The following HSD11B1L variants were observed in gnomAD, a reference collection of about 807,000 sequenced individuals.
HSD11B1L encodes the protein hydroxysteroid 11-beta dehydrogenase 1 like.
HSD11B1L carries 22 observed loss-of-function variants against 27.0 expected under a neutral mutation model. The observed-to-expected ratio is 0.81, with a 90% confidence interval of 0.58 to 1.16. The LOEUF (loss-of-function observed/expected upper bound fraction) is 1.16. HSD11B1L is among the 50% of genes most tolerant of loss of function. The pLI is 0.00. For missense variants in HSD11B1L, 372 were observed against 401.8 expected (o/e 0.93, Z 0.63); for synonymous variants, 187 against 189.2 (o/e 0.99, Z 0.09).
chr19:5,687,890 G>T lies in HSD11B1L; in HGVS notation c.806G>T (p.Arg269Leu), dbSNP rs200586681. Residue 269 changes from arginine to leucine, a missense_variant, in exon 8 of 8, where the codon CGC becomes CTC. Coordinates refer to ENST00000339423, the MANE Select transcript of HSD11B1L (RefSeq NM_198706.3). This position sits in a 1 kb window ranked among gnomAD's most constrained non-coding sequence, Gnocchi z 6.6. ...TGCTTGCTCCGGCGCTGGCTACCGC[G>T]CCCGCGGGCCTGGTTTATCCGCCAG... Reference protein sequence around the residue: ...LLCLLRRWLPRPRAWFIRQEL... With the variant: ...LLCLLRRWLPLPRAWFIRQEL... The T allele has an allele frequency of 7.0e-6, 11 of 1,578,354 alleles. No individual in the cohort carries two copies. The highest frequency in any genetic ancestry group is 1.1e-5 in the South Asian group (1 of 87,270).
At position 5,686,972 on chromosome 19, in the gene HSD11B1L, C is replaced by G. The variant is rs1568301748; in HGVS notation, c.389C>G (p.Ala130Gly). 2 of 1,549,846 alleles carry G rather than the reference C, an allele frequency of 1.3e-6. 1 individual carries two copies. Among genetic ancestry groups the G allele is most frequent in the South Asian group, 2.4e-5 (2 of 84,146 alleles). The change falls in exon 5 of 8, where the codon GCA (alanine) becomes GGA (glycine). Residue 130 changes from alanine (A) to glycine (G), a missense_variant. By Grantham distance (60) the Ala-to-Gly change is moderately conservative. Transcript: ENST00000339423. ...GGCACGCGAGCCCGCAGCCCCCAGG[C>G]AACTCGCTGGCTCATGCAGGTGCTC... ...PAGTRARSPQATRWLMQVNFV... is the reference protein window; with the variant it reads ...PAGTRARSPQGTRWLMQVNFV...
At chr19:5,683,841 C>T (rs984606035) in intron 1 of HSD11B1L, among the ~76,000 whole-genome samples, 1 of 151,978 alleles carries the variant, frequency 6.6e-6, no homozygotes, top group Non-Finnish European at 1.5e-5. Flanking sequence ...CTGCAGTGAG[C>T]TATGGTCGCA....
At chr19:5,686,850 T>C (rs774056260) in intron 4 of HSD11B1L, 50 bp from the exon 5 acceptor site, 2 of 1,454,610 alleles carry the variant, frequency 1.4e-6, no homozygotes, top group African/African-American at 1.4e-5. Flanking sequence ...CGGGGTTTGA[T>C]CGTTTCCTTG....
chr19:5,687,798 G>C lies in HSD11B1L; in HGVS notation c.714G>C (p.Leu238=). 1 of 1,513,806 alleles carries C rather than the reference G, an allele frequency of 6.6e-7. No homozygotes were observed. The highest frequency in any genetic ancestry group is 1.3e-5 in the South Asian group (1 of 78,162). 93.8% of individuals were successfully genotyped at this position (1,513,806 alleles called of 1,614,324 possible). The change falls in exon 8 of 8, where the codon CTG becomes CTC. Residue 238 remains leucine, a synonymous_variant. Coordinates refer to ENST00000339423, the MANE Select transcript of HSD11B1L (RefSeq NM_198706.3). This position sits in a 1 kb window ranked among gnomAD's most constrained non-coding sequence, Gnocchi z 6.6. The part of the protein sequence containing the change: ...VKAAPGPKAA[L]AVIRGGATRA... ...CGGCCCCGGGGCCCAAGGCAGCCCT[G>C]GCCGTGATCCGCGGCGGCGCCACGC...
In HSD11B1L at chr19:5,687,722, C is replaced by G; in HGVS notation, c.669-31C>G. ...CTGGGGGCCATGGCCCAGCCCCAGCCGCAGTCCCCACCGTGCCCTCCTGTC... is the reference window on the plus strand; with the variant it reads ...CTGGGGGCCATGGCCCAGCCCCAGCGGCAGTCCCCACCGTGCCCTCCTGTC... On this transcript the variant is annotated intron_variant, in intron 7 of 7. Coordinates refer to ENST00000339423, the MANE Select transcript of HSD11B1L (RefSeq NM_198706.3). This position sits in a 1 kb window ranked among gnomAD's most constrained non-coding sequence, Gnocchi z 6.6. 1 of 1,504,472 alleles carries G rather than the reference C, an allele frequency of 6.6e-7. No homozygotes were observed. 93.2% of individuals were successfully genotyped at this position (1,504,472 alleles called of 1,614,324 possible). A position where few individuals can be genotyped will look rare whatever the true frequency, so the allele number is the denominator to read the frequency against.
chr19:5,682,975 T>C (rs1351175377), intron 1 of HSD11B1L, among the ~76,000 whole-genome samples: 1 of 151,988 alleles, frequency 6.6e-6, no homozygotes, highest in African/African-American at 2.4e-5. Context: ...CGATGATTAG[T>C]TGGGCGTGCT....
intron 1 of HSD11B1L, chr19:5,684,176 C>T (rs753213779): frequency 2.3e-5 from 9 of 386,750 alleles, no homozygotes; most frequent in South Asian, 1.2e-4. Context: ...CCACCGCGCC[C>T]GGCTAATTTT....
chr19:5,684,002 G>C (rs1398674845), intron 1 of HSD11B1L: 1 of 454,334 alleles, frequency 2.2e-6, no homozygotes, highest in East Asian at 3.5e-5. Flanking sequence ...TTGATACGGA[G>C]TTTCGCTCTT....
In HSD11B1L at chr19:5,681,172, A is replaced by C. The variant is rs1315861435; in HGVS notation, c.-114A>C. ...GAGGGGGTGCGGTCGGGGACCCGGC[A>C]GGAGGCGGCCGAGAAGAGAGGACCG... On this transcript the variant is annotated 5_prime_UTR_variant, in exon 1 of 8. Transcript: ENST00000339423. The C allele has an allele frequency of 1.3e-5, 2 of 152,432 alleles. No individual in the cohort carries two copies. Among genetic ancestry groups the C allele is most frequent in the Admixed American group, 6.5e-5 (1 of 15,280 alleles). The allele number at this position is 152,432 out of a possible 1,614,324, so 9.4% of individuals were successfully genotyped here. A position where few individuals can be genotyped will look rare whatever the true frequency, so the allele number is the denominator to read the frequency against.
In HSD11B1L at chr19:5,688,041, G is replaced by A. The variant is rs748051957; in HGVS notation, c.*96G>A. The A allele has an allele frequency of 7.7e-6, 12 of 1,551,564 alleles. No homozygotes were observed. The highest frequency in any genetic ancestry group is 1.0e-5 in the Non-Finnish European group (12 of 1,147,002). ...CTCACAGAGACACCCCTGAGAGGGT[G>A]GCCACAGCCCAAGATGAAGTCATCA... On this transcript the variant is annotated 3_prime_UTR_variant, in exon 8 of 8. Coordinates refer to ENST00000339423, the MANE Select transcript of HSD11B1L (RefSeq NM_198706.3).
At chr19:5,686,668 T>C in intron 4 of HSD11B1L, 141 bp downstream of exon 4, 1 of 721,848 alleles carries the variant, frequency 1.4e-6, no homozygotes, top group Non-Finnish European at 2.2e-6. Flanking sequence ...GTGGGCGGGG[T>C]GGAGTCTCAT....
intron 2 of HSD11B1L, 35 bp downstream of exon 2, chr19:5,684,940 G>T (rs2054649389): frequency 1.2e-6 from 2 of 1,612,684 alleles, no homozygotes; most frequent in Non-Finnish European, 1.7e-6. Flanking sequence ...GAGAAACCGG[G>T]CCAGCTGTCC....
At chr19:5,684,226 G>C in intron 1 of HSD11B1L, 2 of 342,212 alleles carry the variant, frequency 5.8e-6, no homozygotes, top group Non-Finnish European at 1.1e-5. Flanking sequence ...ATGTTGGCCA[G>C]GCTGGTCTCG....
chr19:5,688,014 C>T lies in HSD11B1L; in HGVS notation c.*69C>T, dbSNP rs1205011010. The T allele has an allele frequency of 6.4e-7, 1 of 1,551,418 alleles. No individual in the cohort carries two copies. The highest frequency in any genetic ancestry group is 8.7e-7 in the Non-Finnish European group (1 of 1,147,030). On this transcript the variant is annotated 3_prime_UTR_variant, in exon 8 of 8. Coordinates refer to ENST00000339423, the MANE Select transcript of HSD11B1L (RefSeq NM_198706.3). ...CCTCCAACTGTCCCTGGAGCCAGAA[C>T]ACTCACAGAGACACCCCTGAGAGGG...
rs190373535 is a variant in HSD11B1L at position 5,681,973 on chromosome 19, G to C, written c.-15+702G>C. Among the ~76,000 whole-genome samples the C allele has an allele frequency of 1.7e-4, 26 of 152,370 alleles. No homozygotes were observed. In the East Asian group the frequency reaches 5.0e-3, roughly 29 times the overall value. On this transcript the variant is annotated intron_variant, in intron 1 of 7. Coordinates refer to ENST00000339423, the MANE Select transcript of HSD11B1L (RefSeq NM_198706.3). ...GGTGGAAAGAGGGATGAGCAGAGGA[G>C]CTTCATGGGCTGTCCCTGGAAGGGG...
In HSD11B1L at chr19:5,681,246, AGT is replaced by A. The variant is rs2054535942; in HGVS notation, c.-38_-37del. On this transcript the variant is annotated 5_prime_UTR_variant, in exon 1 of 8. Coordinates refer to ENST00000339423, the MANE Select transcript of HSD11B1L (RefSeq NM_198706.3). ...GCCCGGGACCCCACCCCCGCTGGAC[AGT>A]GGGGGAAACTGAGGCCTGAGCGGGT... is the stretch of plus-strand genomic sequence containing the variant. 1 of 152,468 alleles carries A rather than the reference AGT, an allele frequency of 6.6e-6. No individual in the cohort carries two copies. The highest frequency in any genetic ancestry group is 1.5e-5 in the Non-Finnish European group (1 of 68,208). 9.4% of individuals were successfully genotyped at this position (152,468 alleles called of 1,614,324 possible). A position where few individuals can be genotyped will look rare whatever the true frequency, so the allele number is the denominator to read the frequency against.
In HSD11B1L at chr19:5,687,267, G is replaced by C. The variant is rs368505697; in HGVS notation, c.409-15G>C. ...GGCTCCGCCTCTGCCGGTGACTCGC[G>C]AGTGCCGCCTGCAGGTAAACTTTGT... On this transcript the variant is annotated splice_polypyrimidine_tract_variant and intron_variant, in intron 5 of 7. Coordinates refer to ENST00000339423, the MANE Select transcript of HSD11B1L (RefSeq NM_198706.3). This position sits in a 1 kb window ranked among gnomAD's most constrained non-coding sequence, Gnocchi z 6.6. 3.2e-5 allele frequency: 51 copies of C among 1,611,254 alleles called. No homozygotes were observed. The highest frequency in any genetic ancestry group is 1.8e-4 in the East Asian group (8 of 44,862).
At chr19:5,681,785 A>C (rs1338708420) in intron 1 of HSD11B1L, among the ~76,000 whole-genome samples, 1 of 151,844 alleles carries the variant, frequency 6.6e-6, no homozygotes, top group African/African-American at 2.4e-5. Context: ...CCATCCACCC[A>C]TCCATCTATT....
At chr19:5,684,371 G>A (rs1292465499) in intron 1 of HSD11B1L, 1 of 332,018 alleles carries the variant, frequency 3.0e-6, no homozygotes, top group African/African-American at 2.1e-5. Flanking sequence ...AAGCCATTGG[G>A]TTATATCCGG....
Sources: gnomAD v4.1 joint callset for allele counts (sites outside exome capture counted in the v4.1 genomes callset) on GRCh38, gnomAD v4.1.1 for gene constraint, Gnocchi (gnomAD v3.1) non-coding constraint, MANE v1.5 for transcripts, NCBI Gene and HGNC (gene_info 2026-07-23, HGNC 2026-07-21) for gene names.